Variants in PTPRK observed in about 807,000 individuals in gnomAD.
PTPRK encodes the protein receptor-type tyrosine-protein phosphatase kappa.
In PTPRK, 75 loss-of-function variants were observed where a neutral mutation model predicts 178.0. The observed-to-expected ratio is 0.42, with a 90% CI of 0.35 to 0.51. The LOEUF (loss-of-function observed/expected upper bound fraction) is 0.51, where lower values mean the gene tolerates loss of function less well. Among genes scored for constraint, PTPRK ranks in the 20% least tolerant of loss-of-function variants. The pLI is 0.02. For synonymous variants in PTPRK, 637 were observed against 620.6 expected (o/e 1.03, Z -0.39); for missense variants, 1,441 against 1,797.8 (o/e 0.80, Z 3.59).
rs556169011 is a variant in PTPRK at position 128,112,426 on chromosome 6, T to G, written c.1163-22434A>C. The stretch of plus-strand genomic sequence containing the variant: ...GGTATTGAATCATCAGTACTTTTTA[T>G]GTTAATATGAGATCTCAGCATTTGA... On this transcript the variant is annotated intron_variant, in intron 7 of 29. Transcript: ENST00000368226. Among the ~76,000 whole-genome samples the G allele has an allele frequency of 3.9e-5, 6 of 152,234 alleles. 1 individual carries two copies. In the South Asian group the frequency reaches 6.2e-4, roughly 16 times the overall value.
chr6:128,093,369 A>T (rs1315418194), intron 7 of PTPRK, among the ~76,000 whole-genome samples: 1 of 152,002 alleles, frequency 6.6e-6, no homozygotes, highest in East Asian at 1.9e-4. Context: ...CATGGTGGGC[A>T]GATGGCCTGA....
chr6:128,309,212 A>G (rs1351912110), intron 3 of PTPRK, among the ~76,000 whole-genome samples: 1 of 152,150 alleles, frequency 6.6e-6, no homozygotes, highest in African/African-American at 2.4e-5. Context: ...ACTGAGACCA[A>G]CTAAAAGACA....
chr6:127,982,496 G>A (rs964248664), intron 24 of PTPRK, among the ~76,000 whole-genome samples: 3 of 152,158 alleles, frequency 2.0e-5, no homozygotes, highest in East Asian at 1.9e-4. Flanking sequence ...GGATGGTCTC[G>A]ATCTCCTGAC....
intron 3 of PTPRK, among the ~76,000 whole-genome samples, chr6:128,280,514 T>C (rs1821500429): frequency 6.6e-6 from 1 of 152,160 alleles, no homozygotes; most frequent in South Asian, 2.1e-4. Context: ...AGAAAGCAAC[T>C]TAACAATACA....
chr6:128,284,622 ACCT>A (rs1284614494), intron 3 of PTPRK, among the ~76,000 whole-genome samples: 1 of 152,106 alleles, frequency 6.6e-6, no homozygotes, highest in Non-Finnish European at 1.5e-5. Flanking sequence ...AAACAAGATG[ACCT>A]CCTTTTTAAA....
At position 128,002,650 on chromosome 6, in the gene PTPRK, T is replaced by A. The variant is rs114881763; in HGVS notation, c.2494+2434A>T. Among the ~76,000 whole-genome samples the A allele has an allele frequency of 2.6e-3, 390 of 152,070 alleles. 2 individuals carry two copies. Among genetic ancestry groups the A allele is most frequent in the African/African-American group, 8.6e-3 (357 of 41,540 alleles). ...GTTCTAAATTTCTTGAAAGATAACA[T>A]TACTTATCAGGTAAGGTTCATGTAG... On this transcript the variant is annotated intron_variant, in intron 15 of 29. Transcript: ENST00000368226.
At chr6:128,003,187 AGGGCC>A (rs1381044111) in intron 15 of PTPRK, 3 of 1,598,708 alleles carry the variant, frequency 1.9e-6, no homozygotes, top group Admixed American at 1.7e-5. Context: ...ATAAAGATTT[AGGGCC>A]TCACCTAACA....
chr6:128,422,422 T>G (rs1843588189), intron 1 of PTPRK, among the ~76,000 whole-genome samples: 1 of 152,178 alleles, frequency 6.6e-6, no homozygotes, highest in Admixed American at 6.5e-5. Flanking sequence ...CATTGGGGTC[T>G]GTGTCACATT....
At chr6:128,016,304 T>C (rs1385758823) in intron 13 of PTPRK, among the ~76,000 whole-genome samples, 1 of 151,896 alleles carries the variant, frequency 6.6e-6, no homozygotes, top group Non-Finnish European at 1.5e-5. Flanking sequence ...TATAAAGGAC[T>C]ATGATAGGGC....
chr6:128,508,151 C>A (rs1856634825), intron 1 of PTPRK, among the ~76,000 whole-genome samples: 1 of 152,056 alleles, frequency 6.6e-6, no homozygotes, highest in Admixed American at 6.6e-5. Context: ...CAACAAAGCC[C>A]CAAGCTTCAC....
intron 2 of PTPRK, among the ~76,000 whole-genome samples, chr6:128,326,918 G>A (rs1243047017): frequency 6.6e-6 from 1 of 151,776 alleles, no homozygotes; most frequent in African/African-American, 2.4e-5. Context: ...ATAAACACAA[G>A]CGTGTTTTTT....
intron 5 of PTPRK, among the ~76,000 whole-genome samples, chr6:128,224,357 T>C (rs1271871089): frequency 6.6e-6 from 1 of 152,214 alleles, no homozygotes; most frequent in Non-Finnish European, 1.5e-5. Context: ...TCCTCTACTA[T>C]ACTAAGTCAG....
chr6:128,463,714 C>T (rs924735952), intron 1 of PTPRK, among the ~76,000 whole-genome samples: 4 of 148,258 alleles, frequency 2.7e-5, no homozygotes, highest in African/African-American at 1.0e-4. Context: ...AATAATTCAG[C>T]CTTCTCTATA....
chr6:128,236,680 A>G (rs1271451034), intron 5 of PTPRK, among the ~76,000 whole-genome samples: 1 of 152,120 alleles, frequency 6.6e-6, no homozygotes, highest in Non-Finnish European at 1.5e-5. Flanking sequence ...TGTACCGCAT[A>G]ACATATTTTT....
chr6:128,223,193 T>A (rs1036751972), intron 5 of PTPRK, among the ~76,000 whole-genome samples: 1 of 152,006 alleles, frequency 6.6e-6, no homozygotes, highest in Non-Finnish European at 1.5e-5. Flanking sequence ...ATATATATTA[T>A]CTTTATTTAG....
rs145956394 is a variant in PTPRK, at chr6:128,187,563, T to C, written c.869-2838A>G. Among the ~76,000 whole-genome samples, 1,303 of 152,306 alleles carry C rather than the reference T, an allele frequency of 8.6e-3. 15 individuals carry two copies. The highest frequency in any genetic ancestry group is 0.031 in the Middle Eastern group (9 of 294). Reference sequence around the variant, plus strand: ...GGTTGCTTTGTTCTGTTTTGCCATATAGCATATACATTTTAACACTGAAAA... The same window carrying C: ...GGTTGCTTTGTTCTGTTTTGCCATACAGCATATACATTTTAACACTGAAAA... On this transcript the variant is annotated intron_variant, in intron 6 of 29. Coordinates refer to ENST00000368226, the MANE Select transcript of PTPRK (RefSeq NM_002844.4).
chr6:128,338,899 GA>G (rs1313284443), intron 2 of PTPRK, among the ~76,000 whole-genome samples: 2 of 151,990 alleles, frequency 1.3e-5, no homozygotes, highest in African/African-American at 4.8e-5. Flanking sequence ...ACTATCTAAA[GA>G]AGGGGAGGCA....
At chr6:128,280,853 TTA>T (rs1392953864) in intron 3 of PTPRK, among the ~76,000 whole-genome samples, 1 of 152,204 alleles carries the variant, frequency 6.6e-6, no homozygotes, top group African/African-American at 2.4e-5. Flanking sequence ...TTAATTGTAG[TTA>T]TGTTAGATGT....
At chr6:128,118,374 C>T (rs1285936963) in intron 7 of PTPRK, among the ~76,000 whole-genome samples, 2 of 152,152 alleles carry the variant, frequency 1.3e-5, no homozygotes, top group African/African-American at 4.8e-5. Flanking sequence ...CTAATATGGC[C>T]ACTTCTGCTG....
Sources: gnomAD v4.1 joint callset for allele counts (sites outside exome capture counted in the v4.1 genomes callset) on GRCh38, gnomAD v4.1.1 for gene constraint, MANE v1.5 for transcripts, NCBI Gene and HGNC (gene_info 2026-07-23, HGNC 2026-07-21) for gene names.